Variants in MRPL37 observed in about 807,000 individuals in gnomAD.
The protein encoded by MRPL37 is mitochondrial ribosomal protein L37.
Under a neutral mutation model 44.1 loss-of-function variants are expected in MRPL37, and 34 were observed. That is an observed-to-expected ratio of 0.77 (90% CI 0.59 to 1.03). The LOEUF is 1.03. MRPL37 is among the 50% of genes least tolerant of loss of function. MRPL37 has a pLI of 0.00. For missense variants in MRPL37, 532 were observed against 543.7 expected, an observed-to-expected ratio of 0.98 and a Z score of 0.21; for synonymous variants, 212 against 219.5, an observed-to-expected ratio of 0.97 and a Z score of 0.30.
downstream of MRPL37, among the ~76,000 whole-genome samples, chr1:54,223,103 TAGAG>T (rs1301609955): frequency 3.3e-5 from 5 of 152,186 alleles, no homozygotes; most frequent in East Asian, 7.7e-4. Context: ...ACCCTGGGAA[TAGAG>T]AGAACACAAC....
At chr1:54,225,168 C>T (rs193200685), downstream of MRPL37, 424 of 1,234,312 alleles carry the variant, frequency 3.4e-4, 3 homozygotes, top group Non-Finnish European at 1.9e-5. Flanking sequence ...GTTTGCAAGA[C>T]AAGAAATGGA....
chr1:54,211,413 G>C (rs753184775), intron 4 of MRPL37, among the ~76,000 whole-genome samples: 14 of 152,112 alleles, frequency 9.2e-5, no homozygotes, highest in Admixed American at 5.2e-4. Context: ...GAATACCTGA[G>C]CAGGCTGAAG....
downstream of MRPL37, among the ~76,000 whole-genome samples, chr1:54,221,660 T>C (rs898691292): frequency 1.3e-5 from 2 of 151,828 alleles, no homozygotes; most frequent in African/African-American, 4.8e-5. Context: ...CTCCCACACA[T>C]GCAGTCACAC....
intron 5 of MRPL37, among the ~76,000 whole-genome samples, chr1:54,213,964 C>T (rs1158032512): frequency 1.3e-5 from 2 of 152,218 alleles, no homozygotes; most frequent in Non-Finnish European, 2.9e-5. Flanking sequence ...GGGAGGATTA[C>T]TTGAGGCCAG....
chr1:54,216,559 C>T (rs938528467), intron 6 of MRPL37, among the ~76,000 whole-genome samples: 15 of 152,210 alleles, frequency 9.9e-5, no homozygotes, highest in African/African-American at 1.4e-4. Context: ...TTTGCACCCT[C>T]CAGCCAATCC....
At chr1:54,214,016 C>T (rs888269928) in intron 5 of MRPL37, among the ~76,000 whole-genome samples, 9 of 152,204 alleles carry the variant, frequency 5.9e-5, no homozygotes, top group Admixed American at 6.5e-5. Context: ...AACCCCATCT[C>T]TACTAAAAAT....
intron 5 of MRPL37, 32 bp from the exon 6 acceptor site, chr1:54,216,109 G>T (rs374407823): frequency 6.2e-7 from 1 of 1,613,118 alleles, no homozygotes; most frequent in Non-Finnish European, 8.5e-7. Context: ...CACAGCTTCT[G>T]ATTTGTTTTC....
At chr1:54,210,730 T>A (rs369098081) in intron 4 of MRPL37, among the ~76,000 whole-genome samples, 22 of 152,308 alleles carry the variant, frequency 1.4e-4, no homozygotes, top group African/African-American at 4.1e-4. Flanking sequence ...TTCATTGTCA[T>A]AGCCACAACC....
chr1:54,214,158 C>T (rs1320157463), intron 5 of MRPL37, among the ~76,000 whole-genome samples: 1 of 152,134 alleles, frequency 6.6e-6, no homozygotes, highest in Non-Finnish European at 1.5e-5. Context: ...ACACTCCAGC[C>T]TGGGTGACAG....
downstream of MRPL37, among the ~76,000 whole-genome samples, chr1:54,219,048 A>C (rs1384488001): frequency 6.6e-6 from 1 of 152,248 alleles, no homozygotes; most frequent in Non-Finnish European, 1.5e-5. Context: ...CCTTTAGGAC[A>C]GGAACCTGTG....
At chr1:54,225,068 A>C, downstream of MRPL37, 1 of 1,233,250 alleles carries the variant, frequency 8.1e-7, no homozygotes, top group Non-Finnish European at 1.0e-6. Context: ...CTCCTGGCCG[A>C]TAGCGACTCC....
At chr1:54,207,210 T>G (rs951943136) in intron 3 of MRPL37, 1 of 152,262 alleles carries the variant, frequency 6.6e-6, no homozygotes, top group Non-Finnish European at 1.5e-5. Context: ...CAGTATCTAC[T>G]GTCGGTTCTG....
At chr1:54,203,127 ATCTATTTTAGT>A (rs975027692) in intron 1 of MRPL37, among the ~76,000 whole-genome samples, 3 of 152,138 alleles carry the variant, frequency 2.0e-5, no homozygotes, top group African/African-American at 7.2e-5. Flanking sequence ...GCTAAACTGA[ATCTATTTTAGT>A]TTGCATATAC....
chr1:54,205,037 G>A lies in MRPL37; in HGVS notation c.366G>A (p.Trp122Ter). ...RLLEGVKQAL[W>*]LTKTKLIEGL... Reference sequence around the variant, plus strand: ...TCAAAGGTGTAAAGCAGGCCCTCTGGCTCACCAAGACCAAGTTAATAGAAG... The same window carrying A: ...TCAAAGGTGTAAAGCAGGCCCTCTGACTCACCAAGACCAAGTTAATAGAAG... The change falls in exon 2 of 7, where the codon TGG becomes TGA. Residue 122 changes from tryptophan to a stop codon, truncating the protein, a stop_gained. Transcript: ENST00000360840. LOFTEE classifies it high-confidence loss of function. 1 of 1,613,940 alleles carries A rather than the reference G, an allele frequency of 6.2e-7. No individual in the cohort carries two copies. The highest frequency in any genetic ancestry group is 8.5e-7 in the Non-Finnish European group (1 of 1,179,966).
Position 54,200,193 on chromosome 1 carries a change from C to T in MRPL37, c.-51C>T, listed in dbSNP as rs1273892716. On this transcript the variant is annotated 5_prime_UTR_variant, in exon 1 of 7. Coordinates refer to ENST00000360840, the MANE Select transcript of MRPL37 (RefSeq NM_016491.4). ...TCATTCGTTCCCAGCAGGCCCTGCG[C>T]GCGGCAACATGGCGGGGTCCAGGTG... The T allele has an allele frequency of 6.7e-7, 1 of 1,494,972 alleles. No homozygotes were observed. The highest frequency in any genetic ancestry group is 8.9e-7 in the Non-Finnish European group (1 of 1,126,514). The allele number at this position is 1,494,972 out of a possible 1,614,324, so 92.6% of individuals were successfully genotyped here.
Position 54,216,339 on chromosome 1 carries a change from G to T in MRPL37, c.1189G>T (p.Val397Phe), listed in dbSNP as rs1476364675. Residue 397 changes from valine to phenylalanine, a missense_variant, in exon 6 of 7, where the codon GTT becomes TTT. Coordinates refer to ENST00000360840, the MANE Select transcript of MRPL37 (RefSeq NM_016491.4). ...TCTCCCAGTGATCAAAAAGAGAGTG[G>T]TTGTGGTAAGTTGAGCCATCTCCTG... ...WCLPVIKKRV[V>F]VEPVGPVGFK... The T allele has an allele frequency of 1.9e-6, 3 of 1,613,672 alleles. No individual in the cohort carries two copies. Among genetic ancestry groups the T allele is most frequent in the African/African-American group, 1.3e-5 (1 of 74,922 alleles).
At chr1:54,220,046 A>G (rs2100519339), downstream of MRPL37, among the ~76,000 whole-genome samples, 1 of 152,116 alleles carries the variant, frequency 6.6e-6, no homozygotes. Flanking sequence ...TAGCAGTGGA[A>G]TTGCTGAGTC....
chr1:54,217,529 T>C (rs1570153997), intron 6 of MRPL37, among the ~76,000 whole-genome samples: 1 of 152,230 alleles, frequency 6.6e-6, no homozygotes, highest in East Asian at 1.9e-4. Flanking sequence ...CGCCCTGGGC[T>C]CCAGCCCGAT....
intron 6 of MRPL37, 29 bp downstream of exon 6, chr1:54,216,373 A>G (rs747244706): frequency 6.2e-7 from 1 of 1,610,072 alleles, no homozygotes; most frequent in South Asian, 1.1e-5. Flanking sequence ...TGCCTGACCC[A>G]GGAGGGCCAT....
Sources: allele counts gnomAD v4.1 joint callset (sites outside exome capture counted in the v4.1 genomes callset), GRCh38; gene constraint gnomAD v4.1.1; transcripts MANE v1.5; gene names NCBI Gene and HGNC (gene_info 2026-07-23, HGNC 2026-07-21).